Variants in SHLD1 observed in about 807,000 individuals in gnomAD.
The protein encoded by SHLD1 is shieldin complex subunit 1, also known as RINN1-REV7-interacting novel NHEJ regulator 3.
A neutral mutation model predicts 5.5 loss-of-function variants in SHLD1; 3 were observed. The ratio of observed to expected loss-of-function variants is 0.54; its 90% confidence interval spans 0.25 to 1.40. The LOEUF is 1.40. Ranked by LOEUF, SHLD1 falls within the 40% of genes most tolerant of loss-of-function variation. The pLI is 0.15. For missense variants in SHLD1, 210 were observed against 244.4 expected (o/e 0.86, Z 0.94); for synonymous variants, 92 against 94.3 (o/e 0.98, Z 0.14).
chr20:5,770,350 A>G (rs1164399773), intron 1 of SHLD1, among the ~76,000 whole-genome samples: 1 of 152,196 alleles, frequency 6.6e-6, no homozygotes, highest in East Asian at 1.9e-4. Context: ...GCAGTTTGAA[A>G]CACTTCAGCA....
At chr20:5,844,219 A>C (rs2087899742) in intron 2 of SHLD1, among the ~76,000 whole-genome samples, 1 of 152,228 alleles carries the variant, frequency 6.6e-6, no homozygotes, top group South Asian at 2.1e-4. Flanking sequence ...CTCAGCCAGC[A>C]GTCATTCTGT....
chr20:5,849,541 T>C (rs2087974525), intron 2 of SHLD1, among the ~76,000 whole-genome samples: 1 of 152,234 alleles, frequency 6.6e-6, no homozygotes, highest in Non-Finnish European at 1.5e-5. Context: ...CTTTCCACTG[T>C]TAACCCAGGT....
At chr20:5,773,353 T>G in intron 2 of SHLD1, 1 of 542,678 alleles carries the variant, frequency 1.8e-6, no homozygotes, top group Non-Finnish European at 3.3e-6. Flanking sequence ...AAAGAGAGAG[T>G]GGAATTTTTT....
intron 2 of SHLD1, among the ~76,000 whole-genome samples, chr20:5,848,745 C>T (rs530146769): frequency 7.2e-5 from 11 of 152,278 alleles, no homozygotes; most frequent in Admixed American, 1.3e-4. Flanking sequence ...ATTGCCCTGG[C>T]GCCTACTTTT....
At chr20:5,771,172 TC>T (rs1433398366) in intron 1 of SHLD1, among the ~76,000 whole-genome samples, 2 of 152,202 alleles carry the variant, frequency 1.3e-5, no homozygotes, top group East Asian at 3.8e-4. Context: ...TCTGGTACTT[TC>T]CAGTCTTTTC....
At chr20:5,819,744 C>T (rs2087583428) in intron 2 of SHLD1, among the ~76,000 whole-genome samples, 1 of 152,180 alleles carries the variant, frequency 6.6e-6, no homozygotes, top group Non-Finnish European at 1.5e-5. Context: ...ATGGCTTGAG[C>T]CCAGGAAGCC....
chr20:5,813,673 A>G (rs2087490064), intron 2 of SHLD1, among the ~76,000 whole-genome samples: 1 of 152,164 alleles, frequency 6.6e-6, no homozygotes. Context: ...GTGTGTGTAG[A>G]GTCTGGAAGA....
At chr20:5,769,510 A>G (rs1054092307) in intron 1 of SHLD1, among the ~76,000 whole-genome samples, 4 of 152,232 alleles carry the variant, frequency 2.6e-5, no homozygotes, top group African/African-American at 9.6e-5. Context: ...AATATGTACT[A>G]CGTTTTTTCC....
At chr20:5,758,355 A>C (rs1428434423) in intron 1 of SHLD1, among the ~76,000 whole-genome samples, 1 of 48,550 alleles carries the variant, frequency 2.1e-5, no homozygotes, top group Non-Finnish European at 3.7e-5. Context: ...GGGGAGGGGA[A>C]GGAGAGGGGG....
At position 5,771,297 on chromosome 20, in the gene SHLD1, C is replaced by T. The variant is rs1375432473; in HGVS notation, c.-4-1565C>T. Reference sequence around the variant, plus strand: ...ATTGAAGACTTGCTGTGTATGGTATCTTTTCTCCTTAATCTACTTCTTCAA... The same window carrying T: ...ATTGAAGACTTGCTGTGTATGGTATTTTTTCTCCTTAATCTACTTCTTCAA... On this transcript the variant is annotated intron_variant, in intron 1 of 2. Transcript: ENST00000303142. Among the ~76,000 whole-genome samples, 3 of 152,180 alleles carry T rather than the reference C, an allele frequency of 2.0e-5. No homozygotes were observed. In the East Asian group the frequency reaches 5.8e-4, roughly 29 times the overall value.
intron 2 of SHLD1, among the ~76,000 whole-genome samples, chr20:5,843,383 A>G (rs1469346537): frequency 2.0e-5 from 3 of 150,670 alleles, no homozygotes; most frequent in Non-Finnish European, 4.4e-5. Flanking sequence ...ACCCAGAGCC[A>G]AGGCCAAGAC....
chr20:5,856,307 A>G (rs1967540484), intron 2 of SHLD1, among the ~76,000 whole-genome samples: 1 of 152,244 alleles, frequency 6.6e-6, no homozygotes, highest in Admixed American at 6.5e-5. Context: ...AAGAAGCCAG[A>G]TTTATGAAGG....
rs375996514 is a variant in SHLD1, at chr20:5,764,527, CAAAAA to C, written c.-4-8318_-4-8314del. On this transcript the variant is annotated intron_variant, in intron 1 of 2. Coordinates refer to ENST00000303142, the MANE Select transcript of SHLD1 (RefSeq NM_152504.4). ...TGGGCAATATAGTGAGACCTTGTCT[CAAAAA>C]AAAAAAAAAAAAAAAATTTTGCCAA... is the stretch of plus-strand genomic sequence containing the variant. Among the ~76,000 whole-genome samples, 45 of 111,102 alleles carry C rather than the reference CAAAAA, an allele frequency of 4.1e-4. 1 individual carries two copies. Among genetic ancestry groups the C allele is most frequent in the African/African-American group, 1.5e-3 (44 of 28,390 alleles). The allele number at this position is 111,102 out of a possible 152,430, so 72.9% of individuals were successfully genotyped here.
chr20:5,783,581 G>A (rs891467438), intron 2 of SHLD1, among the ~76,000 whole-genome samples: 1 of 152,114 alleles, frequency 6.6e-6, no homozygotes, highest in Non-Finnish European at 1.5e-5. Context: ...CTCCAGAATC[G>A]GATTTTGAGC....
At chr20:5,860,768 C>T (rs1327189746) in intron 2 of SHLD1, among the ~76,000 whole-genome samples, 3 of 151,604 alleles carry the variant, frequency 2.0e-5, no homozygotes, top group Non-Finnish European at 4.4e-5. Context: ...TGTCTCCCTC[C>T]CCTTCCACCC....
At chr20:5,773,508 G>T in intron 2 of SHLD1, 1 of 232,136 alleles carries the variant, frequency 4.3e-6, no homozygotes, top group South Asian at 9.1e-5. Flanking sequence ...TTCCTGACTA[G>T]ATTGCCGAAA....
intron 2 of SHLD1, among the ~76,000 whole-genome samples, chr20:5,775,866 C>T (rs113047531): frequency 2.0e-5 from 3 of 149,934 alleles, no homozygotes; most frequent in African/African-American, 7.4e-5. Flanking sequence ...TCAGGAGATC[C>T]AATTCCTCAT....
At chr20:5,832,172 C>A (rs1025842243) in intron 2 of SHLD1, among the ~76,000 whole-genome samples, 5 of 152,196 alleles carry the variant, frequency 3.3e-5, no homozygotes, top group Non-Finnish European at 5.9e-5. Flanking sequence ...AACTCCTGGC[C>A]TCAAGTGATC....
chr20:5,808,762 A>G (rs1051215805), intron 2 of SHLD1, among the ~76,000 whole-genome samples: 1 of 152,226 alleles, frequency 6.6e-6, no homozygotes, highest in Admixed American at 6.5e-5. Flanking sequence ...ATATTGTTGT[A>G]TTTTGAATAT....
Sources: allele counts gnomAD v4.1 joint callset (sites outside exome capture counted in the v4.1 genomes callset), GRCh38; gene constraint gnomAD v4.1.1; transcripts MANE v1.5; gene names NCBI Gene and HGNC (gene_info 2026-07-23, HGNC 2026-07-21).